KIF1B: variants seen among roughly 807,000 people sequenced by gnomAD.
The protein encoded by KIF1B is kinesin family member 1B, also known as kinesin-like protein KIF1B.
KIF1B carries 76 observed loss-of-function variants against 241.9 expected under a neutral mutation model. The ratio of observed to expected loss-of-function variants is 0.31; its 90% CI spans 0.26 to 0.38. The LOEUF is 0.38. KIF1B is among the 10% of genes least tolerant of loss of function. The probability of loss-of-function intolerance (pLI) is 1.00; values close to 1 mark genes in which losing one functional copy is unlikely to be tolerated. For missense variants in KIF1B, 1,622 were observed against 2,271.4 expected, an observed-to-expected ratio of 0.71 and a Z score of 5.81; for synonymous variants, 750 against 796.7, an observed-to-expected ratio of 0.94 and a Z score of 0.99.
chr1:10,332,126 G>A (rs1651965742), intron 27 of KIF1B, among the ~76,000 whole-genome samples: 1 of 151,980 alleles, frequency 6.6e-6, no homozygotes, highest in South Asian at 2.1e-4. Context: ...GTGCAATGGT[G>A]CGATCTCGGC....
At chr1:10,291,212 A>G in intron 16 of KIF1B, 51 bp downstream of exon 16, 2 of 1,224,780 alleles carry the variant, frequency 1.6e-6, no homozygotes, top group South Asian at 2.5e-5. Context: ...GGGGATGTGG[A>G]TTACTTTATC....
chr1:10,256,430 T>C (rs552820512), intron 3 of KIF1B, 107 bp downstream of exon 3: 1 of 795,806 alleles, frequency 1.3e-6, no homozygotes. Context: ...GCTTCTTAAC[T>C]GTTGTGTAGC....
chr1:10,319,909 T>C (rs1651456191), intron 22 of KIF1B, 134 bp from the exon 23 acceptor site: 1 of 665,414 alleles, frequency 1.5e-6, no homozygotes, highest in African/African-American at 1.8e-5. Context: ...TGTCTTTTTA[T>C]TATTGTTTCC....
rs79908235 is a variant in KIF1B at position 10,301,710 on chromosome 1, T to C, written c.2115+4464T>C. Among the ~76,000 whole-genome samples, 1,294 of 152,278 alleles carry C rather than the reference T, an allele frequency of 8.5e-3. 15 individuals are homozygous for C. Among genetic ancestry groups the C allele is most frequent in the African/African-American group, 0.029 (1,223 of 41,558 alleles). ...AGTAAAGCAATAAAGAATGGCTACT[T>C]CATAGGCAGAGCAGCTGAGTATTTT... On this transcript the variant is annotated intron_variant, in intron 22 of 48. Coordinates refer to ENST00000676179, the MANE Select transcript of KIF1B (RefSeq NM_001365951.3).
intron 2 of KIF1B, among the ~76,000 whole-genome samples, chr1:10,251,663 G>C (rs981210176): frequency 6.6e-6 from 1 of 151,840 alleles, no homozygotes; most frequent in African/African-American, 2.4e-5. Context: ...GAACCCAGGA[G>C]GCGGAGGTTG....
chr1:10,296,953 G>A lies in KIF1B; in HGVS notation c.1918G>A (p.Ala640Thr). 1 of 1,614,066 alleles carries A rather than the reference G, an allele frequency of 6.2e-7. No individual in the cohort carries two copies. Reference sequence around the variant, plus strand: ...TTTCCGCTTTAACCACCCGGAACAAGCACGAGCTGAGCGAGAGAAGACTCC... The same window carrying A: ...TTTCCGCTTTAACCACCCGGAACAAACACGAGCTGAGCGAGAGAAGACTCC... ...HVFRFNHPEQARAEREKTPSA... is the reference protein window; with the variant it reads ...HVFRFNHPEQTRAEREKTPSA... Residue 640 changes from alanine (A) to threonine (T), a missense_variant, in exon 21 of 49, where the codon GCA (alanine) becomes ACA (threonine). Physicochemically the swap from Ala to Thr is moderately conservative, Grantham distance 58. This residue lies in a region of KIF1B where 803 missense variants were observed against 1,112.0 expected (regional missense o/e 0.72). Coordinates refer to ENST00000676179, the MANE Select transcript of KIF1B (RefSeq NM_001365951.3).
At chr1:10,257,175 G>A (rs1374059649) in intron 3 of KIF1B, among the ~76,000 whole-genome samples, 3 of 151,004 alleles carry the variant, frequency 2.0e-5, no homozygotes, top group South Asian at 4.2e-4. Flanking sequence ...TGATCCACCT[G>A]CCTCGACCTC....
At chr1:10,319,313 G>A (rs1400479235) in intron 22 of KIF1B, among the ~76,000 whole-genome samples, 1 of 152,086 alleles carries the variant, frequency 6.6e-6, no homozygotes, top group African/African-American at 2.4e-5. Context: ...TGTTGGTCAG[G>A]CTGGTCTCGA....
chr1:10,266,809 A>G (rs1432849614), intron 5 of KIF1B, among the ~76,000 whole-genome samples: 1 of 152,150 alleles, frequency 6.6e-6, no homozygotes, highest in Non-Finnish European at 1.5e-5. Flanking sequence ...TAATCTGTTT[A>G]CCTCTCCCTT....
intron 1 of KIF1B, among the ~76,000 whole-genome samples, chr1:10,221,104 T>C (rs2102102026): frequency 6.8e-6 from 1 of 146,600 alleles, no homozygotes; most frequent in South Asian, 2.2e-4. Context: ...CTTTTTTTTT[T>C]TTTTTTTTTT....
intron 11 of KIF1B, 23 bp from the exon 12 acceptor site, chr1:10,276,298 A>G: frequency 1.3e-6 from 2 of 1,564,708 alleles, no homozygotes; most frequent in South Asian, 2.2e-5. Flanking sequence ...GTGTGATTTG[A>G]TACTCATGAT....
chr1:10,371,248 C>T lies in KIF1B; in HGVS notation c.4932C>T (p.Asn1644=). The change falls in exon 45 of 49, where the codon AAC becomes AAT. Residue 1644 remains asparagine, a synonymous_variant. Coordinates refer to ENST00000676179, the MANE Select transcript of KIF1B (RefSeq NM_001365951.3). Reference sequence around the variant, plus strand: ...CCTCTCTGGTAGACTCTAGGAGCAACTCTCTGGATCAGAAGTAAGTACCCA... The same window carrying T: ...CCTCTCTGGTAGACTCTAGGAGCAATTCTCTGGATCAGAAGTAAGTACCCA... ...TCPSLVDSRS[N]SLDQKTPEAN... 6.2e-7 allele frequency: 1 copy of T among 1,614,164 alleles called. No individual in the cohort carries two copies.
intron 38 of KIF1B, among the ~76,000 whole-genome samples, chr1:10,353,643 G>A (rs990118980): frequency 3.3e-5 from 5 of 152,180 alleles, no homozygotes; most frequent in African/African-American, 1.2e-4. Flanking sequence ...GGAATAAGAC[G>A]ATAGGCAGAA....
chr1:10,305,543 C>T (rs1650788313), intron 22 of KIF1B: 1 of 1,059,726 alleles, frequency 9.4e-7, no homozygotes, highest in African/African-American at 1.6e-5. Flanking sequence ...GACAAAGCTA[C>T]AGCATATGGC....
At chr1:10,270,162 A>T (rs1254831052) in intron 7 of KIF1B, among the ~76,000 whole-genome samples, 3 of 152,186 alleles carry the variant, frequency 2.0e-5, no homozygotes, top group African/African-American at 7.2e-5. Flanking sequence ...TACCTGTGAA[A>T]CTAGCGCCAC....
In KIF1B at chr1:10,228,197, A is replaced by C. The variant is rs76474658; in HGVS notation, c.-79-4053A>C. ...AGAGTGAGACTCCATCTCAAAAAAA[A>C]AGAAAAGAGAAAAAAAAGAACTTAC... is the stretch of plus-strand genomic sequence containing the variant. On this transcript the variant is annotated intron_variant, in intron 1 of 48. Transcript: ENST00000676179. 9.0e-3 allele frequency among the ~76,000 whole-genome samples: 1,375 copies of C among 152,274 alleles called. 19 individuals carry two copies. The highest frequency in any genetic ancestry group is 0.031 in the African/African-American group (1,276 of 41,554).
chr1:10,222,468 C>T (rs139438001), intron 1 of KIF1B, among the ~76,000 whole-genome samples: 1 of 152,250 alleles, frequency 6.6e-6, no homozygotes, highest in Non-Finnish European at 1.5e-5. Flanking sequence ...ATGGCATGAA[C>T]TGATCATTTT....
At chr1:10,220,142 C>T (rs902129055) in intron 1 of KIF1B, among the ~76,000 whole-genome samples, 2 of 146,784 alleles carry the variant, frequency 1.4e-5, no homozygotes, top group Admixed American at 6.9e-5. Context: ...GTGGAGGTTA[C>T]GGTGAGCCGA....
chr1:10,248,347 A>G (rs1647272049), intron 2 of KIF1B, among the ~76,000 whole-genome samples: 1 of 151,940 alleles, frequency 6.6e-6, no homozygotes, highest in East Asian at 1.9e-4. Context: ...CTACAGGCGC[A>G]CGCTACCATA....
Sources: allele counts gnomAD v4.1 joint callset (sites outside exome capture counted in the v4.1 genomes callset), GRCh38; gene constraint gnomAD v4.1.1; regional missense constraint gnomAD v4.1.1; transcripts MANE v1.5; gene names NCBI Gene and HGNC (gene_info 2026-07-23, HGNC 2026-07-21).